The following MED12L variants were observed in gnomAD, a reference collection of about 807,000 sequenced individuals.
MED12L encodes the protein mediator of RNA polymerase II transcription subunit 12-like protein.
MED12L carries 60 observed loss-of-function variants against 281.3 expected under a neutral mutation model. That is an observed-to-expected ratio of 0.21 (90% confidence interval 0.17 to 0.26). The LOEUF is 0.26. MED12L is among the 10% of genes least tolerant of loss of function. The pLI is 1.00. For missense variants in MED12L, 2,146 were observed against 2,680.9 expected (o/e 0.80, Z 4.41); for synonymous variants, 974 against 987.2 (o/e 0.99, Z 0.25).
At chr3:151,184,573 C>T (rs1428995180) in intron 11 of MED12L, among the ~76,000 whole-genome samples, 2 of 152,282 alleles carry the variant, frequency 1.3e-5, no homozygotes, top group Middle Eastern at 3.4e-3. Flanking sequence ...TCTCCCCGCT[C>T]ACCACTCGCT....
intron 11 of MED12L, among the ~76,000 whole-genome samples, chr3:151,169,103 T>C (rs1721078527): frequency 6.8e-6 from 1 of 146,320 alleles, no homozygotes; most frequent in African/African-American, 2.6e-5. Context: ...TTTCTTTTTC[T>C]TTGTTTTTTT....
chr3:151,221,387 A>G (rs1729318493), intron 16 of MED12L, among the ~76,000 whole-genome samples: 2 of 152,258 alleles, frequency 1.3e-5, no homozygotes, highest in South Asian at 4.1e-4. Context: ...TTAATCACCA[A>G]GAAAATGGGG....
In MED12L at chr3:151,294,145, C is replaced by A. The variant is rs747413006; in HGVS notation, c.2251-55914C>A. 1.1e-5 allele frequency: 14 copies of A among 1,333,106 alleles called. No homozygotes were observed. The African/African-American group carries it at 2.0e-4, about 19-fold the overall frequency. The allele number at this position is 1,333,106 out of a possible 1,614,324, so 82.6% of individuals were successfully genotyped here. The stretch of plus-strand genomic sequence containing the variant: ...ACATTTATTTACACTTTGTACATAT[C>A]GATTCCAACAAACAATAAAAGGCCT... On this transcript the variant is annotated intron_variant, in intron 16 of 44. Transcript: ENST00000687756.
At chr3:151,294,521 C>T (rs762127994) in intron 16 of MED12L, 3 of 1,614,186 alleles carry the variant, frequency 1.9e-6, no homozygotes, top group Non-Finnish European at 2.5e-6. Flanking sequence ...GCTTGACTGA[C>T]TTATGAATTG....
At chr3:151,157,525 A>T (rs909738764) in intron 6 of MED12L, among the ~76,000 whole-genome samples, 3 of 152,080 alleles carry the variant, frequency 2.0e-5, no homozygotes, top group African/African-American at 7.2e-5. Flanking sequence ...TCTCTTTTTT[A>T]AAAAAATTTT....
At chr3:151,213,214 T>C in intron 16 of MED12L, 3 of 1,001,918 alleles carry the variant, frequency 3.0e-6, no homozygotes, top group Non-Finnish European at 4.4e-6. Context: ...ATATTTATGA[T>C]GAGGGCACAT....
At chr3:151,101,185 T>C (rs1721347187) in intron 2 of MED12L, among the ~76,000 whole-genome samples, 1 of 152,218 alleles carries the variant, frequency 6.6e-6, no homozygotes, top group Admixed American at 6.5e-5. Context: ...AAACAATTTT[T>C]AAAATGACTA....
At chr3:151,222,019 G>A (rs1182070383) in intron 16 of MED12L, among the ~76,000 whole-genome samples, 1 of 152,240 alleles carries the variant, frequency 6.6e-6, no homozygotes, top group South Asian at 2.1e-4. Context: ...CTTGCATTGC[G>A]TGACCTGGGT....
intron 2 of MED12L, among the ~76,000 whole-genome samples, chr3:151,094,985 G>A (rs1333887349): frequency 6.6e-6 from 1 of 152,188 alleles, no homozygotes; most frequent in Non-Finnish European, 1.5e-5. Flanking sequence ...CCAAAAGCTG[G>A]ATAGGGCTGG....
At chr3:151,306,647 A>G (rs1409711665) in intron 16 of MED12L, among the ~76,000 whole-genome samples, 2 of 152,164 alleles carry the variant, frequency 1.3e-5, no homozygotes, top group Non-Finnish European at 2.9e-5. Flanking sequence ...GGATCTTGGC[A>G]TGGGTGGGGA....
intron 16 of MED12L, among the ~76,000 whole-genome samples, chr3:151,346,588 G>A (rs9876268): frequency 0.11 from 16,777 of 152,184 alleles, 1,221 homozygotes; most frequent in Middle Eastern, 0.17. Context: ...ACTGGACGTT[G>A]TCAGTGACAC....
At chr3:151,121,621 A>G (rs544773313) in intron 3 of MED12L, among the ~76,000 whole-genome samples, 5 of 152,348 alleles carry the variant, frequency 3.3e-5, no homozygotes, top group African/African-American at 9.6e-5. Context: ...GCATCATTGT[A>G]TTAAAGAACT....
chr3:151,151,141 C>T (rs1441128946), intron 5 of MED12L, among the ~76,000 whole-genome samples: 1 of 149,618 alleles, frequency 6.7e-6, no homozygotes, highest in Non-Finnish European at 1.5e-5. Context: ...GGGTTCACGC[C>T]ATTCTCCTGC....
intron 16 of MED12L, among the ~76,000 whole-genome samples, chr3:151,276,535 C>T (rs1741886999): frequency 6.6e-6 from 1 of 152,174 alleles, no homozygotes; most frequent in Admixed American, 6.5e-5. Context: ...GAGGTTGAAA[C>T]AGCTCACTTG....
chr3:151,231,252 C>G (rs1461787031), intron 16 of MED12L, among the ~76,000 whole-genome samples: 1 of 152,204 alleles, frequency 6.6e-6, no homozygotes, highest in African/African-American at 2.4e-5. Flanking sequence ...ATTTTGCAAC[C>G]TCAGTGTGAT....
chr3:151,180,542 T>C (rs915064692), intron 11 of MED12L, among the ~76,000 whole-genome samples: 2 of 152,260 alleles, frequency 1.3e-5, no homozygotes, highest in African/African-American at 4.8e-5. Flanking sequence ...CTTTTGGAAG[T>C]GAATTGACTT....
chr3:151,119,008 T>C (rs1259183540), intron 3 of MED12L, among the ~76,000 whole-genome samples: 1 of 152,164 alleles, frequency 6.6e-6, no homozygotes, highest in Non-Finnish European at 1.5e-5. Flanking sequence ...CCATCTTTCT[T>C]AATTGGTCTA....
In MED12L at chr3:151,165,943, TA is replaced by T; in HGVS notation, c.1457del (p.Lys486ArgfsTer22). The T allele has an allele frequency of 6.2e-7, 1 of 1,613,762 alleles. No homozygotes were observed. Among genetic ancestry groups the T allele is most frequent in the Non-Finnish European group, 8.5e-7 (1 of 1,179,812 alleles). On this transcript the variant is annotated frameshift_variant, in exon 11 of 45. Coordinates refer to ENST00000687756, the MANE Select transcript of MED12L (RefSeq NM_001393769.1). LOFTEE classifies it high-confidence loss of function. ...SSNSMETLYH[K>X]IFWANQNKDN... ...GCAATTCCATGGAGACACTTTATCA[TA>T]AGATTTTCTGGGCAAACCAAAACAA...
At chr3:151,170,060 T>G (rs1721230104) in intron 11 of MED12L, among the ~76,000 whole-genome samples, 1 of 152,110 alleles carries the variant, frequency 6.6e-6, no homozygotes, top group African/African-American at 2.4e-5. Flanking sequence ...ATGGGAGAAG[T>G]TTGTGTGTGT....
Sources: allele counts gnomAD v4.1 joint callset (sites outside exome capture counted in the v4.1 genomes callset), GRCh38; gene constraint gnomAD v4.1.1; transcripts MANE v1.5; gene names NCBI Gene and HGNC (gene_info 2026-07-23, HGNC 2026-07-21).